Variants in RNF125 observed in about 807,000 individuals in gnomAD.
RNF125 encodes ring finger protein 125.
RNF125 carries 21 observed loss-of-function variants against 26.0 expected under a neutral mutation model. That is an observed-to-expected ratio of 0.81 (90% CI 0.57 to 1.16). The LOEUF (loss-of-function observed/expected upper bound fraction) is 1.16. Among genes scored for constraint, RNF125 ranks in the 50% most tolerant of loss-of-function variants. The pLI is 0.00. For missense variants in RNF125, 270 were observed against 299.4 expected (o/e 0.90, Z 0.72); for synonymous variants, 95 against 109.2 (o/e 0.87, Z 0.81).
At chr18:32,034,944 AAAAGG>A (rs1284341870) in intron 1 of RNF125, among the ~76,000 whole-genome samples, 1 of 151,848 alleles carries the variant, frequency 6.6e-6, no homozygotes, top group Non-Finnish European at 1.5e-5. Context: ...AAAAATAGCT[AAAAGG>A]AAAGGGTAGG....
chr18:32,054,347 C>A (rs77886134), intron 4 of RNF125, among the ~76,000 whole-genome samples: 5,243 of 152,224 alleles, frequency 0.034, 317 homozygotes, highest in African/African-American at 0.12. Flanking sequence ...CCCGCTGTGG[C>A]CTCCCAAAGT....
At chr18:32,029,530 G>T (rs1259093786) in intron 1 of RNF125, among the ~76,000 whole-genome samples, 4 of 151,918 alleles carry the variant, frequency 2.6e-5, no homozygotes, top group African/African-American at 7.3e-5. Context: ...GGAGGCTGAG[G>T]TGGGAGGATC....
chr18:32,071,681 T>C lies in RNF125; in HGVS notation c.*3297T>C, dbSNP rs1225251261. 1 of 152,218 alleles carries C rather than the reference T, an allele frequency of 6.6e-6. No individual in the cohort carries two copies. Among genetic ancestry groups the C allele is most frequent in the East Asian group, 1.9e-4 (1 of 5,206 alleles). 9.4% of individuals were successfully genotyped at this position (152,218 alleles called of 1,614,324 possible). Reference sequence around the variant, plus strand: ...TAACCATGGTACCCAAAATTTTCTATAAGTTATTGTAACTCCTTAAAGGTC... The same window carrying C: ...TAACCATGGTACCCAAAATTTTCTACAAGTTATTGTAACTCCTTAAAGGTC... On this transcript the variant is annotated 3_prime_UTR_variant, in exon 6 of 6. Transcript: ENST00000217740.
chr18:32,028,022 G>A (rs1301565539), intron 1 of RNF125, among the ~76,000 whole-genome samples: 1 of 151,980 alleles, frequency 6.6e-6, no homozygotes, highest in Non-Finnish European at 1.5e-5. Context: ...TAGTCGGCCG[G>A]GCGCGGTGGC....
At chr18:32,048,324 G>A (rs1267266054) in intron 4 of RNF125, among the ~76,000 whole-genome samples, 1 of 151,796 alleles carries the variant, frequency 6.6e-6, no homozygotes, top group African/African-American at 2.4e-5. Context: ...TACTCGGGAG[G>A]CTGAGGCAGG....
intron 1 of RNF125, among the ~76,000 whole-genome samples, chr18:32,035,515 C>G (rs919837366): frequency 1.3e-5 from 2 of 152,134 alleles, no homozygotes; most frequent in Non-Finnish European, 2.9e-5. Flanking sequence ...ACCCAGATGT[C>G]CATTAACAAC....
chr18:32,030,153 C>T (rs2144444661), intron 1 of RNF125, among the ~76,000 whole-genome samples: 1 of 152,356 alleles, frequency 6.6e-6, no homozygotes, highest in Admixed American at 6.5e-5. Flanking sequence ...AAGCGATTCT[C>T]CTGCCTCAGC....
At chr18:32,078,266 A>G in the RNF125 span, among the ~76,000 whole-genome samples, 2 of 152,218 alleles carry the variant, frequency 1.3e-5, no homozygotes, top group Non-Finnish European at 2.9e-5. Flanking sequence ...CTACATCTGG[A>G]AATATTTCCT....
rs766386251 is a variant in RNF125, at chr18:32,065,924, T to C, written c.527T>C (p.Ile176Thr). The C allele has an allele frequency of 1.2e-6, 2 of 1,613,318 alleles. No homozygotes were observed. Among genetic ancestry groups the C allele is most frequent in the African/African-American group, 2.7e-5 (2 of 74,922 alleles). Residue 176 changes from isoleucine to threonine, a missense_variant, in exon 5 of 6, where the codon ATA becomes ACA. Physicochemically the swap from Ile to Thr is moderately conservative, Grantham distance 89. Coordinates refer to ENST00000217740, the MANE Select transcript of RNF125 (RefSeq NM_017831.4). ...CAGTTCTGTCCACTTTGCCGTTTAA[T>C]ACCCGATGAGAATCCAAGCAGCTTC... ...RPVFCPLCRL[I>T]PDENPSSFSG...
At chr18:32,021,027 T>C (rs1280663396) in intron 1 of RNF125, among the ~76,000 whole-genome samples, 1 of 152,222 alleles carries the variant, frequency 6.6e-6, no homozygotes, top group African/African-American at 2.4e-5. Flanking sequence ...GGGACAAAAG[T>C]GTGCAGCCTG....
chr18:32,080,824 C>T, the RNF125 span, among the ~76,000 whole-genome samples: 2 of 152,298 alleles, frequency 1.3e-5, no homozygotes, highest in African/African-American at 4.8e-5. Flanking sequence ...TGCAGTGAGC[C>T]AAGATGGCGC....
the RNF125 span, among the ~76,000 whole-genome samples, chr18:32,083,884 C>A: frequency 7.0e-6 from 1 of 143,404 alleles, no homozygotes. Flanking sequence ...GCCCGGGCAA[C>A]AGAGGCGAGA....
At chr18:32,041,158 A>G (rs11661718) in intron 2 of RNF125, among the ~76,000 whole-genome samples, 45,420 of 152,058 alleles carry the variant, frequency 0.3, 8,087 homozygotes, top group South Asian at 0.4. Context: ...GAAACATTTA[A>G]TAGGATGTGT....
chr18:32,052,216 C>T (rs989523319), intron 4 of RNF125, among the ~76,000 whole-genome samples: 1 of 151,328 alleles, frequency 6.6e-6, no homozygotes, highest in African/African-American at 2.4e-5. Context: ...TTTCAGTGGC[C>T]GGGTGTGGTG....
the RNF125 span, among the ~76,000 whole-genome samples, chr18:32,080,782 G>T: frequency 1.3e-5 from 2 of 152,160 alleles, no homozygotes; most frequent in Non-Finnish European, 2.9e-5. Context: ...CCAGCTACTC[G>T]GGAGAATGGC....
intron 2 of RNF125, among the ~76,000 whole-genome samples, chr18:32,040,157 A>T (rs890350316): frequency 6.6e-6 from 1 of 151,022 alleles, no homozygotes; most frequent in Admixed American, 6.6e-5. Flanking sequence ...CCTTCTACGC[A>T]CATTTTGCCC....
At chr18:32,075,913 C>T, downstream of RNF125, 1 of 1,474,188 alleles carries the variant, frequency 6.8e-7, no homozygotes, top group Non-Finnish European at 9.4e-7. Flanking sequence ...ATTTTCCCTC[C>T]TGTGTGTTTT....
intron 4 of RNF125, among the ~76,000 whole-genome samples, chr18:32,054,814 G>T (rs2039364513): frequency 6.6e-6 from 1 of 152,096 alleles, no homozygotes; most frequent in South Asian, 2.1e-4. Context: ...AGTTATGCTA[G>T]GTCTAGGCAT....
At chr18:32,021,621 A>G (rs2038987890) in intron 1 of RNF125, among the ~76,000 whole-genome samples, 2 of 152,196 alleles carry the variant, frequency 1.3e-5, no homozygotes, top group South Asian at 4.1e-4. Context: ...TTAGCATTAA[A>G]ACTTTAAAGT....
Sources: gnomAD v4.1 joint callset for allele counts (sites outside exome capture counted in the v4.1 genomes callset) on GRCh38, gnomAD v4.1.1 for gene constraint, MANE v1.5 for transcripts, NCBI Gene and HGNC (gene_info 2026-07-23, HGNC 2026-07-21) for gene names.